Variants in ZNF407 observed in about 807,000 individuals in gnomAD.
ZNF407 encodes zinc finger protein 407.
A neutral mutation model predicts 131.2 loss-of-function variants in ZNF407; 17 were observed. The observed-to-expected ratio is 0.13, with a 90% CI of 0.09 to 0.19. The LOEUF (loss-of-function observed/expected upper bound fraction) is 0.19. Among genes scored for constraint, ZNF407 ranks in the 10% least tolerant of loss-of-function variants. The pLI is 1.00. For synonymous variants in ZNF407, 1,156 were observed against 1,062.0 expected, an observed-to-expected ratio of 1.09 and a Z score of -1.72; for missense variants, 2,681 against 2,830.6, an observed-to-expected ratio of 0.95 and a Z score of 1.20.
chr18:74,775,141 T>A (rs1159069575), intron 3 of ZNF407, among the ~76,000 whole-genome samples: 2 of 152,242 alleles, frequency 1.3e-5, no homozygotes, highest in Admixed American at 6.5e-5. Flanking sequence ...AAGTTGTTTA[T>A]CAAAACTTTG....
intron 4 of ZNF407, among the ~76,000 whole-genome samples, chr18:74,785,908 A>G (rs143439536): frequency 6.5e-4 from 99 of 151,842 alleles, no homozygotes; most frequent in African/African-American, 2.3e-3. Context: ...CATGGGACAC[A>G]CATGTCACAT....
intron 8 of ZNF407, 114 bp downstream of exon 8, chr18:74,920,806 TAG>T: frequency 7.3e-7 from 1 of 1,361,558 alleles, no homozygotes; most frequent in Non-Finnish European, 9.6e-7. Flanking sequence ...GAGTATGTGA[TAG>T]TATCTGCTTC....
At chr18:74,666,338 A>G (rs1299623643) in intron 3 of ZNF407, among the ~76,000 whole-genome samples, 1 of 152,154 alleles carries the variant, frequency 6.6e-6, no homozygotes, top group African/African-American at 2.4e-5. Context: ...CCGGGGACAG[A>G]GAAGTGGGTG....
At chr18:74,845,633 T>C (rs1300829735) in intron 4 of ZNF407, among the ~76,000 whole-genome samples, 1 of 129,142 alleles carries the variant, frequency 7.7e-6, no homozygotes, top group African/African-American at 2.5e-5. Context: ...ACACTATAAC[T>C]AAAAGCTTAA....
intron 3 of ZNF407, among the ~76,000 whole-genome samples, chr18:74,687,190 A>G (rs576670635): frequency 6.6e-6 from 1 of 152,330 alleles, no homozygotes; most frequent in South Asian, 2.1e-4. Flanking sequence ...TTTACAAAAA[A>G]TTAAAAAGTT....
At chr18:74,983,523 G>C (rs2120146) in intron 8 of ZNF407, among the ~76,000 whole-genome samples, 32,799 of 152,118 alleles carry the variant, frequency 0.22, 4,120 homozygotes, top group African/African-American at 0.32. Context: ...ATAATTAGTG[G>C]CTAGTATTGT....
At chr18:74,891,669 T>C (rs2145197744) in intron 7 of ZNF407, among the ~76,000 whole-genome samples, 1 of 152,378 alleles carries the variant, frequency 6.6e-6, no homozygotes, top group Middle Eastern at 3.4e-3. Flanking sequence ...ATAGAAATTC[T>C]ATGGTGCTCA....
intron 8 of ZNF407, among the ~76,000 whole-genome samples, chr18:75,012,950 T>TTA (rs1491289776): frequency 1.0e-3 from 149 of 145,646 alleles, no homozygotes; most frequent in African/African-American, 3.6e-3. Flanking sequence ...GGTCCTTTTT[T>TTA]AAAAAAAAAA....
rs939774067 is a variant in ZNF407, at chr18:74,899,133, A to G, written c.5249+9095A>G. 2.0e-5 allele frequency among the ~76,000 whole-genome samples: 3 copies of G among 152,178 alleles called. No homozygotes were observed. In the East Asian group the frequency reaches 5.8e-4, roughly 29 times the overall value. ...ATGCTGGATGATCTGTTTCCCTCCAAAAGCAGTAGGGAGCCAGTGGAGGAT... is the reference window on the plus strand; with the variant it reads ...ATGCTGGATGATCTGTTTCCCTCCAGAAGCAGTAGGGAGCCAGTGGAGGAT... On this transcript the variant is annotated intron_variant, in intron 7 of 8. Coordinates refer to ENST00000299687, the MANE Select transcript of ZNF407 (RefSeq NM_017757.3).
intron 3 of ZNF407, among the ~76,000 whole-genome samples, chr18:74,780,043 T>G (rs1341271473): frequency 6.6e-6 from 1 of 152,160 alleles, no homozygotes; most frequent in African/African-American, 2.4e-5. Flanking sequence ...GCTCAGCATT[T>G]AATATTATCA....
chr18:74,925,560 C>T (rs982648186), intron 8 of ZNF407, among the ~76,000 whole-genome samples: 1 of 152,200 alleles, frequency 6.6e-6, no homozygotes, highest in Non-Finnish European at 1.5e-5. Flanking sequence ...ATACATAGAA[C>T]CTTGTAGAAT....
At chr18:74,873,288 A>G (rs939605851) in intron 4 of ZNF407, among the ~76,000 whole-genome samples, 11 of 152,318 alleles carry the variant, frequency 7.2e-5, no homozygotes, top group East Asian at 1.9e-4. Flanking sequence ...TCTGTCTTCA[A>G]AATTTTCAGT....
At chr18:74,861,575 G>A (rs1214247011) in intron 4 of ZNF407, among the ~76,000 whole-genome samples, 1 of 152,090 alleles carries the variant, frequency 6.6e-6, no homozygotes, top group Admixed American at 6.5e-5. Context: ...TATTTAGCTT[G>A]GTTATTTTAC....
intron 8 of ZNF407, among the ~76,000 whole-genome samples, chr18:74,997,057 C>G (rs1418272308): frequency 6.6e-6 from 1 of 152,084 alleles, no homozygotes; most frequent in Non-Finnish European, 1.5e-5. Context: ...AAAAAATCAA[C>G]GTTAGGACAT....
At chr18:74,696,954 C>T (rs1485135862) in intron 3 of ZNF407, among the ~76,000 whole-genome samples, 2 of 152,094 alleles carry the variant, frequency 1.3e-5, no homozygotes, top group Admixed American at 1.3e-4. Context: ...TAGAAAACAT[C>T]ATATTGAATA....
intron 8 of ZNF407, among the ~76,000 whole-genome samples, chr18:74,941,078 G>A (rs902367008): frequency 1.3e-5 from 2 of 151,890 alleles, no homozygotes; most frequent in East Asian, 1.9e-4. Flanking sequence ...AACCGGGCCC[G>A]TCCTTGCCTT....
At chr18:75,041,090 G>T (rs1046447112) in intron 8 of ZNF407, among the ~76,000 whole-genome samples, 3 of 152,186 alleles carry the variant, frequency 2.0e-5, no homozygotes, top group Admixed American at 2.0e-4. Flanking sequence ...CCTAATACTC[G>T]CAGTATCCCG....
chr18:74,987,578 G>A (rs1972668276), intron 8 of ZNF407, among the ~76,000 whole-genome samples: 1 of 152,168 alleles, frequency 6.6e-6, no homozygotes, highest in South Asian at 2.1e-4. Flanking sequence ...TTCTTGAAGA[G>A]AGGAGAATAT....
intron 8 of ZNF407, among the ~76,000 whole-genome samples, chr18:74,990,819 T>C (rs942968277): frequency 3.9e-5 from 6 of 152,220 alleles, no homozygotes; most frequent in Non-Finnish European, 7.3e-5. Context: ...AATTGCCCTA[T>C]GGATGAACTG....
Sources: gnomAD v4.1 joint callset for allele counts (sites outside exome capture counted in the v4.1 genomes callset) on GRCh38, gnomAD v4.1.1 for gene constraint, MANE v1.5 for transcripts, NCBI Gene and HGNC (gene_info 2026-07-23, HGNC 2026-07-21) for gene names.